Variants in CTNNA2 observed in about 807,000 individuals in gnomAD.
CTNNA2 encodes catenin alpha-2.
A neutral mutation model predicts 101.0 loss-of-function variants in CTNNA2; 42 were observed. The ratio of observed to expected loss-of-function variants is 0.42; its 90% CI spans 0.32 to 0.54. The LOEUF (loss-of-function observed/expected upper bound fraction) is 0.54. Ranked by LOEUF, CTNNA2 falls within the 20% of genes least tolerant of loss-of-function variation. The pLI is 0.14. For synonymous variants in CTNNA2, 450 were observed against 456.4 expected (o/e 0.99, Z 0.18); for missense variants, 871 against 1,223.1 (o/e 0.71, Z 4.29).
At chr2:79,719,805 T>C (rs972118964) in intron 2 of CTNNA2, among the ~76,000 whole-genome samples, 6 of 152,186 alleles carry the variant, frequency 3.9e-5, no homozygotes, top group African/African-American at 1.4e-4. Flanking sequence ...CTTTGTCAGA[T>C]GCATAGTTTG....
intron 7 of CTNNA2, among the ~76,000 whole-genome samples, chr2:80,319,850 C>T (rs138967928): frequency 3.3e-5 from 5 of 152,296 alleles, no homozygotes; most frequent in Non-Finnish European, 5.9e-5. Context: ...TGTATAAAGA[C>T]GGTAACCATT....
intron 1 of CTNNA2, among the ~76,000 whole-genome samples, chr2:79,597,328 C>T (rs1386766379): frequency 2.0e-5 from 3 of 151,962 alleles, no homozygotes; most frequent in Non-Finnish European, 2.9e-5. Context: ...AAAAATTAGC[C>T]GGGCGTGGTG....
At chr2:79,389,831 TC>T (rs1217638233) in intron 4 of CTNNA2, among the ~76,000 whole-genome samples, 1 of 152,326 alleles carries the variant, frequency 6.6e-6, no homozygotes, top group Non-Finnish European at 1.5e-5. Flanking sequence ...ATGTGTTTTT[TC>T]ATCTGCGGGA....
intron 7 of CTNNA2, among the ~76,000 whole-genome samples, chr2:80,020,806 T>C (rs1016047020): frequency 6.6e-6 from 1 of 152,070 alleles, no homozygotes; most frequent in Non-Finnish European, 1.5e-5. Context: ...AAAAAAAAAT[T>C]GGAGAAGAAA....
intron 7 of CTNNA2, among the ~76,000 whole-genome samples, chr2:80,278,794 C>A (rs1425154208): frequency 2.0e-5 from 3 of 151,592 alleles, no homozygotes; most frequent in Non-Finnish European, 4.4e-5. Flanking sequence ...TAGTGAGACC[C>A]CATCTCTACT....
At chr2:79,849,414 T>C (rs550435894) in intron 3 of CTNNA2, among the ~76,000 whole-genome samples, 1 of 152,170 alleles carries the variant, frequency 6.6e-6, no homozygotes, top group East Asian at 1.9e-4. Context: ...AACTGCTTGG[T>C]GCTTAAAGTG....
chr2:79,799,659 C>G (rs552966161), intron 3 of CTNNA2, among the ~76,000 whole-genome samples: 2 of 152,094 alleles, frequency 1.3e-5, no homozygotes, highest in South Asian at 4.1e-4. Flanking sequence ...GAGCTATTAC[C>G]GTAGGCTTTA....
intron 7 of CTNNA2, among the ~76,000 whole-genome samples, chr2:80,166,296 C>A (rs983449923): frequency 6.6e-6 from 1 of 152,166 alleles, no homozygotes; most frequent in East Asian, 1.9e-4. Flanking sequence ...GGAACTTTCA[C>A]CCCCACTCTA....
intron 7 of CTNNA2, among the ~76,000 whole-genome samples, chr2:80,359,836 TA>T (rs1674224171): frequency 6.6e-6 from 1 of 152,168 alleles, no homozygotes; most frequent in Non-Finnish European, 1.5e-5. Context: ...TCTTCCAACC[TA>T]ATTTTTCTTC....
intron 5 of CTNNA2, among the ~76,000 whole-genome samples, chr2:79,873,603 T>C (rs1297901991): frequency 2.0e-5 from 3 of 152,070 alleles, no homozygotes; most frequent in African/African-American, 2.4e-5. Flanking sequence ...GCATTTCACA[T>C]AGAAGGGACA....
At position 80,125,487 on chromosome 2, in the gene CTNNA2, A is replaced by G. The variant is rs540967616; in HGVS notation, c.1056+215690A>G. On this transcript the variant is annotated intron_variant, in intron 7 of 18. Transcript: ENST00000402739. ...TCATTTGGCCGCCCACATGGATGTC[A>G]GTAACTCATGGAGCTGATCATTCCA... 2.6e-5 allele frequency among the ~76,000 whole-genome samples: 4 copies of G among 152,298 alleles called. No homozygotes were observed. In the East Asian group the frequency reaches 7.7e-4, roughly 29 times the overall value.
intron 3 of CTNNA2, among the ~76,000 whole-genome samples, chr2:79,778,587 A>G (rs1674175271): frequency 6.7e-6 from 1 of 150,032 alleles, no homozygotes; most frequent in Admixed American, 6.6e-5. Flanking sequence ...ACGTATATAC[A>G]TATATACATA....
At chr2:79,953,843 C>T (rs1450818595) in intron 7 of CTNNA2, among the ~76,000 whole-genome samples, 1 of 152,118 alleles carries the variant, frequency 6.6e-6, no homozygotes, top group African/African-American at 2.4e-5. Context: ...TAGCTCAGTG[C>T]TTATTCACTA....
intron 9 of CTNNA2, among the ~76,000 whole-genome samples, chr2:80,428,453 G>A (rs748665226): frequency 6.3e-4 from 96 of 152,272 alleles, no homozygotes; most frequent in Middle Eastern, 3.4e-3. Context: ...GGGAAGATGC[G>A]GCTCAATTTT....
chr2:80,372,727 G>A (rs1170088315), intron 7 of CTNNA2, among the ~76,000 whole-genome samples: 2 of 145,932 alleles, frequency 1.4e-5, no homozygotes, highest in East Asian at 4.0e-4. Flanking sequence ...CAGTCAATTT[G>A]CATTGTATCT....
At chr2:79,588,998 G>T (rs1676675740) in intron 1 of CTNNA2, among the ~76,000 whole-genome samples, 1 of 152,204 alleles carries the variant, frequency 6.6e-6, no homozygotes, top group Non-Finnish European at 1.5e-5. Context: ...AAAGTGCCTA[G>T]CACTTACTGA....
In CTNNA2 at chr2:79,481,080, A is replaced by T. The variant is rs116601942; in HGVS notation, c.-134-23974A>T. 4.8e-3 allele frequency among the ~76,000 whole-genome samples: 726 copies of T among 152,238 alleles called. 9 individuals are homozygous for T. The highest frequency in any genetic ancestry group is 0.016 in the African/African-American group (684 of 41,556). On this transcript the variant is annotated intron_variant, in intron 4 of 21. Transcript: ENST00000466387. ...GAATTCCCAGAAGTGCAAAAATCAC[A>T]CTAATTTTTCATATAAATAAAAAGT...
At chr2:79,922,031 G>T (rs1407043865) in intron 7 of CTNNA2, among the ~76,000 whole-genome samples, 1 of 152,182 alleles carries the variant, frequency 6.6e-6, no homozygotes, top group Non-Finnish European at 1.5e-5. Flanking sequence ...CTCCAGTCCT[G>T]CACCAGCCTT....
At chr2:79,954,819 A>G (rs1175906051) in intron 7 of CTNNA2, among the ~76,000 whole-genome samples, 1 of 152,108 alleles carries the variant, frequency 6.6e-6, no homozygotes, top group East Asian at 1.9e-4. Flanking sequence ...TCTTTTCAAT[A>G]TCGTTGTTAT....
Sources: allele counts gnomAD v4.1 joint callset (sites outside exome capture counted in the v4.1 genomes callset), GRCh38; gene constraint gnomAD v4.1.1; transcripts MANE v1.5; gene names NCBI Gene and HGNC (gene_info 2026-07-23, HGNC 2026-07-21).